Variants in PPP1R12C observed in about 807,000 individuals in gnomAD.
PPP1R12C encodes the protein leukocyte receptor cluster (LRC) encoded novel gene 3.
Under a neutral mutation model 95.6 loss-of-function variants are expected in PPP1R12C, and 48 were observed. The observed-to-expected ratio is 0.50, with a 90% confidence interval of 0.40 to 0.64. PPP1R12C has a LOEUF of 0.64. Among genes scored for constraint, PPP1R12C ranks in the 30% least tolerant of loss-of-function variants. PPP1R12C has a pLI of 0.00. For synonymous variants in PPP1R12C, 480 were observed against 460.8 expected, an observed-to-expected ratio of 1.04 and a Z score of -0.53; for missense variants, 1,057 against 1,083.3, an observed-to-expected ratio of 0.98 and a Z score of 0.34.
At chr19:55,098,221 C>T (rs1027101808) in intron 6 of PPP1R12C, among the ~76,000 whole-genome samples, 1 of 152,214 alleles carries the variant, frequency 6.6e-6, no homozygotes, top group Non-Finnish European at 1.5e-5. Flanking sequence ...CGCATGACCC[C>T]TCATACAGTT....
chr19:55,092,511 C>A lies in PPP1R12C; in HGVS notation c.1986G>T (p.Gln662His), dbSNP rs766512009. 3.7e-6 allele frequency: 6 copies of A among 1,609,126 alleles called. No individual in the cohort carries two copies. Among genetic ancestry groups the A allele is most frequent in the Non-Finnish European group, 5.1e-6 (6 of 1,178,226 alleles). ...TLEGGPSARR[Q>H]RWQRDLNPEP... ...CTGGGTTGAGGTCCCGCTGCCACCG[C>A]TGCCTGCGGGCCGAGGGGCCGCCCT... Residue 662 changes from glutamine (Q) to histidine (H), a missense_variant, in exon 18 of 22, where the codon CAG becomes CAT. Gln to His is a conservative substitution (Grantham distance 24). Coordinates refer to ENST00000263433, the MANE Select transcript of PPP1R12C (RefSeq NM_017607.4).
intron 6 of PPP1R12C, among the ~76,000 whole-genome samples, chr19:55,097,646 CCCCG>C: frequency 7.5e-6 from 1 of 132,854 alleles, no homozygotes; most frequent in East Asian, 2.4e-4. Flanking sequence ...TTCACCCCTT[CCCCG>C]CAGTTCACCA....
At chr19:55,107,510 T>C (rs1045036547) in intron 3 of PPP1R12C, among the ~76,000 whole-genome samples, 1 of 152,082 alleles carries the variant, frequency 6.6e-6, no homozygotes, top group Non-Finnish European at 1.5e-5. Flanking sequence ...CACCATGGAA[T>C]ACTATGCAGC....
rs2084895045 is a variant in PPP1R12C at position 55,095,111 on chromosome 19, G to T, written c.1454+180C>A. The T allele has an allele frequency of 6.6e-6, 5 of 761,186 alleles. No individual in the cohort carries two copies. The South Asian group carries it at 8.5e-5, about 13-fold the overall frequency. 47.2% of individuals were successfully genotyped at this position (761,186 alleles called of 1,614,324 possible). ...GTGGGGGGAAGATAGGGGAGAAGGTGACGTTTCAACACAGACCTGAGGGAG... is the reference window on the plus strand; with the variant it reads ...GTGGGGGGAAGATAGGGGAGAAGGTTACGTTTCAACACAGACCTGAGGGAG... On this transcript the variant is annotated intron_variant, in intron 11 of 21. Coordinates refer to ENST00000263433, the MANE Select transcript of PPP1R12C (RefSeq NM_017607.4).
rs529830566 is a variant in PPP1R12C, at chr19:55,103,492, G to A, written c.648C>T (p.Gly216=). ...LHDTRCWLNG[G]AMPEARHPRT... ...GGGGGTGCCGGGCCTCTGGCATGGCGCCCCCATTCAGCCAGCACCTCGTGT... is the reference window on the plus strand; with the variant it reads ...GGGGGTGCCGGGCCTCTGGCATGGCACCCCCATTCAGCCAGCACCTCGTGT... Residue 216 remains glycine, a synonymous_variant, in exon 4 of 22, where the codon GGC becomes GGT. Transcript: ENST00000263433. The A allele has an allele frequency of 3.2e-5, 51 of 1,602,960 alleles. No individual in the cohort carries two copies. Among genetic ancestry groups the A allele is most frequent in the Middle Eastern group, 3.3e-4 (2 of 6,022 alleles).
intron 6 of PPP1R12C, among the ~76,000 whole-genome samples, chr19:55,097,410 A>G (rs374262193): frequency 0.015 from 1,265 of 86,380 alleles, no homozygotes; most frequent in African/African-American, 0.063. Context: ...CACCGTCTTC[A>G]CCCCTTCCCC....
chr19:55,105,347 G>A (rs555311662), intron 3 of PPP1R12C, among the ~76,000 whole-genome samples: 1 of 152,190 alleles, frequency 6.6e-6, no homozygotes, highest in Admixed American at 6.5e-5. Flanking sequence ...CTGCATGTCT[G>A]CTGCACATCC....
chr19:55,107,971 T>C (rs2085056793), intron 3 of PPP1R12C, among the ~76,000 whole-genome samples: 1 of 149,622 alleles, frequency 6.7e-6, no homozygotes, highest in African/African-American at 2.5e-5. Context: ...AGTCTTGCTC[T>C]GTTGCCCAGG....
rs918559617 is a variant in PPP1R12C, at chr19:55,112,952, T to C, written c.322-157A>G. ...GCCTCTGGCCACTGGCTGTTTAAGATACGCCTGGTTGCCCAGTGGTCAGGC... is the reference window on the plus strand; with the variant it reads ...GCCTCTGGCCACTGGCTGTTTAAGACACGCCTGGTTGCCCAGTGGTCAGGC... On this transcript the variant is annotated intron_variant, in intron 1 of 21. Coordinates refer to ENST00000263433, the MANE Select transcript of PPP1R12C (RefSeq NM_017607.4). 3 of 1,059,818 alleles carry C rather than the reference T, an allele frequency of 2.8e-6. No homozygotes were observed. The African/African-American group carries it at 4.8e-5, about 17-fold the overall frequency. The allele number at this position is 1,059,818 out of a possible 1,614,324, so 65.7% of individuals were successfully genotyped here.
In PPP1R12C at chr19:55,093,144, C is replaced by T. The variant is rs766407780; in HGVS notation, c.1764+9G>A. 9 of 1,613,664 alleles carry T rather than the reference C, an allele frequency of 5.6e-6. No individual in the cohort carries two copies. Among genetic ancestry groups the T allele is most frequent in the Non-Finnish European group, 7.6e-6 (9 of 1,179,940 alleles). ...CACCACCCCACTCGCCCTCGCTGAC[C>T]CCTCTCACCAGGCTCTGCGCCGGCT... On this transcript the variant is annotated intron_variant, in intron 14 of 21. Coordinates refer to ENST00000263433, the MANE Select transcript of PPP1R12C (RefSeq NM_017607.4).
chr19:55,110,329 G>C (rs940684671), intron 3 of PPP1R12C, among the ~76,000 whole-genome samples: 14 of 151,456 alleles, frequency 9.2e-5, no homozygotes, highest in African/African-American at 3.4e-4. Flanking sequence ...GGTGCGGTGG[G>C]TGAGAGTGTA....
intron 3 of PPP1R12C, among the ~76,000 whole-genome samples, chr19:55,104,180 G>GTATATA (rs756594022): frequency 3.0e-4 from 22 of 72,840 alleles, no homozygotes; most frequent in African/African-American, 8.2e-4. Flanking sequence ...AAAAAAAAAA[G>GTATATA]TATATATATA....
intron 1 of PPP1R12C, chr19:55,113,445 C>G (rs887151297): frequency 4.3e-5 from 64 of 1,496,434 alleles, no homozygotes; most frequent in Non-Finnish European, 5.3e-5. Flanking sequence ...GCCCCCTCTG[C>G]ACGGGGCCCT....
chr19:55,094,494 CT>C, intron 12 of PPP1R12C, 59 bp from the exon 13 acceptor site: 2 of 1,605,806 alleles, frequency 1.2e-6, no homozygotes, highest in Non-Finnish European at 1.7e-6. Context: ...CATTCCGTGG[CT>C]GACACCCTCC....
At position 55,092,519 on chromosome 19, in the gene PPP1R12C, G is replaced by A. The variant is rs759592134; in HGVS notation, c.1978C>T (p.Arg660Cys). The change falls in exon 18 of 22, where the codon CGC (arginine) becomes TGC (cysteine). Residue 660 changes from arginine (R) to cysteine (C), a missense_variant. By Grantham distance (180) the Arg-to-Cys change is radical. This residue lies in a region of PPP1R12C where 347 missense variants were observed against 307.9 expected (regional missense o/e 1.13). Transcript: ENST00000263433. Reference sequence around the variant, plus strand: ...AGGTCCCGCTGCCACCGCTGCCTGCGGGCCGAGGGGCCGCCCTCCAGGGTG... The same window carrying A: ...AGGTCCCGCTGCCACCGCTGCCTGCAGGCCGAGGGGCCGCCCTCCAGGGTG... ...SSTLEGGPSA[R>C]RQRWQRDLNP... 5.0e-6 allele frequency: 8 copies of A among 1,606,758 alleles called. No homozygotes were observed. Among genetic ancestry groups the A allele is most frequent in the African/African-American group, 2.7e-5 (2 of 74,854 alleles).
chr19:55,101,093 CA>C (rs1168062630), intron 4 of PPP1R12C, among the ~76,000 whole-genome samples: 2 of 151,942 alleles, frequency 1.3e-5, no homozygotes, highest in Non-Finnish European at 2.9e-5. Context: ...ACTACAAACA[CA>C]AAAATTAGCC....
rs67907312 is a variant in PPP1R12C at position 55,096,951 on chromosome 19, CACT to C, written c.952-619_952-617del. ...TCTTCGCCCCTTCCCTGCAGTTCAC[CACT>C]GTCTTCGCCCCTTCCCCGCGCAGTT... On this transcript the variant is annotated intron_variant, in intron 6 of 21. Transcript: ENST00000263433. 280 of 143,630 alleles carry C rather than the reference CACT, an allele frequency of 1.9e-3. 51 individuals carry two copies. The highest frequency in any genetic ancestry group is 5.8e-3 in the East Asian group (10 of 1,734). 8.9% of individuals were successfully genotyped at this position (143,630 alleles called of 1,614,324 possible).
At chr19:55,096,592 C>A (rs183159711) in intron 6 of PPP1R12C, among the ~76,000 whole-genome samples, 4 of 152,040 alleles carry the variant, frequency 2.6e-5, no homozygotes, top group African/African-American at 7.2e-5. Flanking sequence ...CCAGTCTCAT[C>A]CCCAGAGGGG....
Position 55,112,461 on chromosome 19 carries a change from G to A in PPP1R12C, c.571+6C>T. On this transcript the variant is annotated splice_donor_region_variant and intron_variant, in intron 3 of 21. Coordinates refer to ENST00000263433, the MANE Select transcript of PPP1R12C (RefSeq NM_017607.4). ...CCCACCCCACACACAGCACACCAGA[G>A]CCCACCTCGGCGGGCGATCTCCGCC... 2 of 1,609,086 alleles carry A rather than the reference G, an allele frequency of 1.2e-6. No homozygotes were observed. The highest frequency in any genetic ancestry group is 1.7e-6 in the Non-Finnish European group (2 of 1,179,072).
Sources: allele counts gnomAD v4.1 joint callset (sites outside exome capture counted in the v4.1 genomes callset), GRCh38; gene constraint gnomAD v4.1.1; regional missense constraint gnomAD v4.1.1; transcripts MANE v1.5; gene names NCBI Gene and HGNC (gene_info 2026-07-23, HGNC 2026-07-21).